The following GRIN2A variants were observed in gnomAD, a reference collection of about 807,000 sequenced individuals.
GRIN2A encodes the protein glutamate ionotropic receptor NMDA type subunit 2A, also known as glutamate receptor ionotropic, NMDA 2A.
Under a neutral mutation model 113.4 loss-of-function variants are expected in GRIN2A, and 22 were observed. The observed-to-expected ratio is 0.19, with a 90% CI of 0.14 to 0.28. The LOEUF (loss-of-function observed/expected upper bound fraction) is 0.28, where lower values mean the gene tolerates loss of function less well. Among genes scored for constraint, GRIN2A ranks in the 10% least tolerant of loss-of-function variants. GRIN2A has a pLI of 1.00. For missense variants in GRIN2A, 1,502 were observed against 1,887.0 expected (o/e 0.80, Z 3.78); for synonymous variants, 827 against 738.4 (o/e 1.12, Z -1.94).
intron 5 of GRIN2A, among the ~76,000 whole-genome samples, chr16:9,841,746 C>T (rs185780852): frequency 6.6e-5 from 10 of 152,302 alleles, no homozygotes; most frequent in African/African-American, 2.2e-4. Context: ...AACATCTTCC[C>T]TACCTACCTA....
At chr16:10,118,101 C>T (rs937348033) in intron 2 of GRIN2A, among the ~76,000 whole-genome samples, 20 of 152,278 alleles carry the variant, frequency 1.3e-4, no homozygotes, top group Non-Finnish European at 2.5e-4. Flanking sequence ...TCTGTTGTGG[C>T]TGGTGTTATC....
At chr16:9,966,397 C>G (rs1875204) in intron 2 of GRIN2A, among the ~76,000 whole-genome samples, 46,527 of 152,032 alleles carry the variant, frequency 0.31, 7,655 homozygotes, top group African/African-American at 0.37. Flanking sequence ...GTGTTAGTTT[C>G]CTAAGGATAA....
At chr16:10,113,225 G>A (rs1361807240) in intron 2 of GRIN2A, among the ~76,000 whole-genome samples, 1 of 152,110 alleles carries the variant, frequency 6.6e-6, no homozygotes, top group East Asian at 1.9e-4. Flanking sequence ...TCTCCTGTAG[G>A]GTACCTCCCT....
At chr16:9,884,375 T>G (rs1386782103) in intron 4 of GRIN2A, among the ~76,000 whole-genome samples, 1 of 151,950 alleles carries the variant, frequency 6.6e-6, no homozygotes, top group African/African-American at 2.4e-5. Flanking sequence ...ATGGTGAAAC[T>G]TCATCTCTAC....
chr16:9,807,273 A>G (rs1160291044), intron 10 of GRIN2A, among the ~76,000 whole-genome samples: 31 of 4,740 alleles, frequency 6.5e-3, no homozygotes, highest in South Asian at 0.017. Flanking sequence ...GGGAGGGGGG[A>G]GGGGGAGGGG....
At chr16:9,999,755 A>C (rs1712380063) in intron 2 of GRIN2A, among the ~76,000 whole-genome samples, 2 of 152,244 alleles carry the variant, frequency 1.3e-5, no homozygotes, top group South Asian at 4.1e-4. Flanking sequence ...AAAAGAAAAG[A>C]ATCAAGCAAG....
intron 3 of GRIN2A, among the ~76,000 whole-genome samples, chr16:9,924,110 CAAAAAAAAAA>C (rs921695456): frequency 5.5e-5 from 1 of 18,220 alleles, no homozygotes; most frequent in African/African-American, 1.3e-4. Context: ...GACTTGGTCT[CAAAAAAAAAA>C]AAAAAAAAAA....
chr16:9,842,446 A>G (rs1324491881), intron 5 of GRIN2A, among the ~76,000 whole-genome samples: 2 of 152,116 alleles, frequency 1.3e-5, no homozygotes, highest in Admixed American at 6.5e-5. Flanking sequence ...TGAATATCCC[A>G]TTTTTGGCAA....
Position 9,899,697 on chromosome 16 carries a change from G to T in GRIN2A, c.1008-8597C>A, listed in dbSNP as rs183875289. ...ACACAAAATAGAAATCTTCTTAAGG[G>T]CAGGGGTCTTTGTTCTGATCACTGC... On this transcript the variant is annotated intron_variant, in intron 3 of 12. Transcript: ENST00000330684. 7.3e-4 allele frequency among the ~76,000 whole-genome samples: 111 copies of T among 152,116 alleles called. 1 individual carries two copies. The East Asian group carries it at 0.013, about 18-fold the overall frequency.
At chr16:10,135,564 C>A (rs2049174801) in intron 2 of GRIN2A, among the ~76,000 whole-genome samples, 1 of 152,180 alleles carries the variant, frequency 6.6e-6, no homozygotes, top group Admixed American at 6.5e-5. Context: ...CTATTCTTGG[C>A]ACCAAAATCT....
intron 11 of GRIN2A, among the ~76,000 whole-genome samples, chr16:9,778,863 C>T (rs1901769269): frequency 1.3e-5 from 2 of 152,188 alleles, no homozygotes; most frequent in Non-Finnish European, 2.9e-5. Context: ...TTGTAGTCTC[C>T]CCGAGGGAAA....
chr16:10,111,772 C>G, intron 2 of GRIN2A: 1 of 1,486,154 alleles, frequency 6.7e-7, no homozygotes. Context: ...GGGTGATGTG[C>G]TGGAGGCCAA....
intron 2 of GRIN2A, among the ~76,000 whole-genome samples, chr16:10,031,738 G>A (rs2046932937): frequency 1.3e-5 from 2 of 152,196 alleles, no homozygotes; most frequent in South Asian, 4.1e-4. Flanking sequence ...AAAATCTTTA[G>A]TGGTTTCTTT....
At chr16:10,059,310 A>C (rs975578978) in intron 2 of GRIN2A, among the ~76,000 whole-genome samples, 38 of 152,144 alleles carry the variant, frequency 2.5e-4, no homozygotes, top group African/African-American at 8.7e-4. Flanking sequence ...TGGACACTGA[A>C]TAGAGAATGG....
chr16:9,986,015 T>C (rs2045974271), intron 2 of GRIN2A, among the ~76,000 whole-genome samples: 1 of 152,236 alleles, frequency 6.6e-6, no homozygotes, highest in African/African-American at 2.4e-5. Context: ...TTTTAACTGA[T>C]ATTTTATAAT....
At chr16:10,134,437 T>G (rs1596541039) in intron 2 of GRIN2A, among the ~76,000 whole-genome samples, 2 of 122,876 alleles carry the variant, frequency 1.6e-5, no homozygotes, top group South Asian at 2.4e-4. Context: ...TGAGAACACT[T>G]GGACAGAAGG....
chr16:9,984,790 G>C (rs983481477), intron 2 of GRIN2A, among the ~76,000 whole-genome samples: 1 of 152,040 alleles, frequency 6.6e-6, no homozygotes, highest in Non-Finnish European at 1.5e-5. Flanking sequence ...GAATTCATGG[G>C]GGCATCCTGT....
intron 2 of GRIN2A, among the ~76,000 whole-genome samples, chr16:10,167,998 A>C (rs1403799960): frequency 1.3e-5 from 2 of 152,230 alleles, no homozygotes; most frequent in Non-Finnish European, 2.9e-5. Context: ...TCTTTAGAAT[A>C]CAAACATATT....
intron 10 of GRIN2A, among the ~76,000 whole-genome samples, chr16:9,813,819 A>T (rs1421486585): frequency 3.3e-5 from 5 of 152,088 alleles, no homozygotes. Flanking sequence ...GGATCTCAGA[A>T]ACCAGGTCAT....
Sources: gnomAD v4.1 joint callset for allele counts (sites outside exome capture counted in the v4.1 genomes callset) on GRCh38, gnomAD v4.1.1 for gene constraint, MANE v1.5 for transcripts, NCBI Gene and HGNC (gene_info 2026-07-23, HGNC 2026-07-21) for gene names.